The following GRIN2A variants were observed in gnomAD, a reference collection of about 807,000 sequenced individuals.
GRIN2A encodes glutamate receptor ionotropic, NMDA 2A.
GRIN2A carries 22 observed loss-of-function variants against 113.4 expected under a neutral mutation model. The ratio of observed to expected loss-of-function variants is 0.19; its 90% CI spans 0.14 to 0.28. The LOEUF (loss-of-function observed/expected upper bound fraction) is 0.28. Among genes scored for constraint, GRIN2A ranks in the 10% least tolerant of loss-of-function variants. The pLI, the probability that GRIN2A is intolerant of heterozygous loss-of-function variation, is 1.00. For synonymous variants in GRIN2A, 827 were observed against 738.4 expected, an observed-to-expected ratio of 1.12 and a Z score of -1.94; for missense variants, 1,502 against 1,887.0, an observed-to-expected ratio of 0.80 and a Z score of 3.78.
At chr16:10,065,702 GAAGAGCTC>G (rs1237950674) in intron 2 of GRIN2A, among the ~76,000 whole-genome samples, 1 of 152,170 alleles carries the variant, frequency 6.6e-6, no homozygotes, top group Non-Finnish European at 1.5e-5. Context: ...AATAATTATG[GAAGAGCTC>G]ATTGGCCACC....
At chr16:9,964,997 G>A (rs750664091) in intron 2 of GRIN2A, among the ~76,000 whole-genome samples, 1 of 152,180 alleles carries the variant, frequency 6.6e-6, no homozygotes, top group Non-Finnish European at 1.5e-5. Context: ...TCAAGAGTAT[G>A]AGAAGGAAAT....
Position 9,753,555 on chromosome 16 carries a change from C to T in GRIN2A, c.*9594G>A, listed in dbSNP as rs929928837. 5.0e-6 allele frequency: 1 copy of T among 201,070 alleles called. No homozygotes were observed. The highest frequency in any genetic ancestry group is 2.3e-5 in the African/African-American group (1 of 43,532). The allele number at this position is 201,070 out of a possible 1,614,324, so 12.5% of individuals were successfully genotyped here. On this transcript the variant is annotated 3_prime_UTR_variant, in exon 13 of 13. Transcript: ENST00000330684. ...TGCACACGAATTTCAATCCCCATTCCTTAAAACAGTTGATAACACATTGAA... is the reference window on the plus strand; with the variant it reads ...TGCACACGAATTTCAATCCCCATTCTTTAAAACAGTTGATAACACATTGAA...
chr16:10,085,605 C>T (rs903064752), intron 2 of GRIN2A, among the ~76,000 whole-genome samples: 1 of 152,040 alleles, frequency 6.6e-6, no homozygotes, highest in Non-Finnish European at 1.5e-5. Context: ...CTTGGTTGGC[C>T]GTGTCAAACC....
At chr16:10,101,627 A>T (rs143809183) in intron 2 of GRIN2A, among the ~76,000 whole-genome samples, 78 of 152,318 alleles carry the variant, frequency 5.1e-4, no homozygotes, top group African/African-American at 1.9e-3. Context: ...TCAATCCATT[A>T]TTTGGGATAC....
At chr16:9,789,531 G>C (rs866007621) in intron 11 of GRIN2A, among the ~76,000 whole-genome samples, 2 of 150,626 alleles carry the variant, frequency 1.3e-5, no homozygotes, top group South Asian at 4.2e-4. Context: ...AACCTTGGTT[G>C]ATAAGATATA....
intron 4 of GRIN2A, among the ~76,000 whole-genome samples, chr16:9,851,383 C>T (rs9940694): frequency 0.35 from 52,856 of 152,016 alleles, 10,592 homozygotes; most frequent in African/African-American, 0.56. Context: ...GGGGAGAATG[C>T]TGAGCGCATC....
At chr16:10,166,608 C>T (rs1262301251) in intron 2 of GRIN2A, among the ~76,000 whole-genome samples, 1 of 152,212 alleles carries the variant, frequency 6.6e-6, no homozygotes, top group Non-Finnish European at 1.5e-5. Context: ...ACTGCACTTG[C>T]ATTATGAGTC....
intron 2 of GRIN2A, among the ~76,000 whole-genome samples, chr16:10,115,434 C>T (rs1187574327): frequency 2.6e-5 from 4 of 152,194 alleles, no homozygotes; most frequent in Non-Finnish European, 5.9e-5. Flanking sequence ...GACCCCACTC[C>T]TCTCTTGTCT....
intron 4 of GRIN2A, among the ~76,000 whole-genome samples, chr16:9,863,662 C>A (rs1220107294): frequency 6.6e-6 from 1 of 152,204 alleles, no homozygotes; most frequent in African/African-American, 2.4e-5. Flanking sequence ...AGAGGAATGT[C>A]ATTAATGCTC....
intron 2 of GRIN2A, among the ~76,000 whole-genome samples, chr16:10,129,309 G>A (rs1471065075): frequency 6.6e-6 from 1 of 152,094 alleles, no homozygotes; most frequent in Non-Finnish European, 1.5e-5. Context: ...ACTCTCTTAA[G>A]ATATAGAAAT....
In GRIN2A at chr16:10,075,442, C is replaced by T. The variant is rs1025206092; in HGVS notation, c.414+104556G>A. 2.7e-4 allele frequency among the ~76,000 whole-genome samples: 41 copies of T among 151,904 alleles called. 1 individual carries two copies. Among genetic ancestry groups the T allele is most frequent in the African/African-American group, 4.8e-4 (20 of 41,324 alleles). ...ATAGTAGTTACCAGGGACCAAGCAG[C>T]GGGGCGGAATGGAGAGTGATTGCAA... On this transcript the variant is annotated intron_variant, in intron 2 of 12. Transcript: ENST00000330684.
chr16:10,165,762 G>A (rs932595952), intron 2 of GRIN2A, among the ~76,000 whole-genome samples: 1 of 69,032 alleles, frequency 1.4e-5, no homozygotes, highest in Non-Finnish European at 2.9e-5. Flanking sequence ...AAGGAGGGGA[G>A]GGGAGAGGAG....
chr16:10,127,041 T>G (rs944593681), intron 2 of GRIN2A, among the ~76,000 whole-genome samples: 1 of 152,134 alleles, frequency 6.6e-6, no homozygotes, highest in African/African-American at 2.4e-5. Context: ...TTTCATTAGC[T>G]CCATTCTTTT....
chr16:10,002,670 G>T (rs2046340910), intron 2 of GRIN2A, among the ~76,000 whole-genome samples: 1 of 152,152 alleles, frequency 6.6e-6, no homozygotes, highest in African/African-American at 2.4e-5. Context: ...TTATCCCAAG[G>T]GGCAATGACT....
In GRIN2A at chr16:10,090,730, A is replaced by G. The variant is rs1025762535; in HGVS notation, c.414+89268T>C. Among the ~76,000 whole-genome samples the G allele has an allele frequency of 2.6e-5, 4 of 152,178 alleles. 1 individual carries two copies. The highest frequency in any genetic ancestry group is 9.6e-5 in the African/African-American group (4 of 41,456). ...AATTTAAAACTTTTGCACTCCAAAG[A>G]CACCATTAAGAATAAAAAGACAAGC... On this transcript the variant is annotated intron_variant, in intron 2 of 12. Coordinates refer to ENST00000330684, the MANE Select transcript of GRIN2A (RefSeq NM_001134407.3).
intron 2 of GRIN2A, among the ~76,000 whole-genome samples, chr16:9,973,282 A>G (rs2045709595): frequency 6.6e-6 from 1 of 152,140 alleles, no homozygotes; most frequent in African/African-American, 2.4e-5. Flanking sequence ...TTGTTTTGGG[A>G]AAGGGCTAAT....
At chr16:10,161,281 C>G (rs558606432) in intron 2 of GRIN2A, among the ~76,000 whole-genome samples, 1 of 152,314 alleles carries the variant, frequency 6.6e-6, no homozygotes, top group Non-Finnish European at 1.5e-5. Flanking sequence ...GCTTCCCCTT[C>G]TGCCATGATT....
intron 2 of GRIN2A, among the ~76,000 whole-genome samples, chr16:9,949,589 C>T (rs530806022): frequency 1.3e-3 from 199 of 150,410 alleles, no homozygotes; most frequent in African/African-American, 4.3e-3. Context: ...AATGGATAGA[C>T]GGACAGATGG....
At chr16:10,111,687 C>G (rs1305204170) in intron 2 of GRIN2A, 2 of 1,567,742 alleles carry the variant, frequency 1.3e-6, no homozygotes, top group Non-Finnish European at 8.8e-7. Context: ...TCCAGGCCAA[C>G]GAGGTGCATA....
Sources: gnomAD v4.1 joint callset for allele counts (sites outside exome capture counted in the v4.1 genomes callset) on GRCh38, gnomAD v4.1.1 for gene constraint, MANE v1.5 for transcripts, NCBI Gene and HGNC (gene_info 2026-07-23, HGNC 2026-07-21) for gene names.